KCNJ1: variants seen among roughly 807,000 people sequenced by gnomAD.
KCNJ1 encodes ATP-sensitive inward rectifier potassium channel 1.
KCNJ1 carries 24 observed loss-of-function variants against 21.9 expected under a neutral mutation model. That is an observed-to-expected ratio of 1.10 (90% CI 0.79 to 1.54). The LOEUF is 1.54. Among genes scored for constraint, KCNJ1 ranks in the 40% most tolerant of loss-of-function variants. The probability of loss-of-function intolerance (pLI) is 0.00; values close to 1 mark genes in which losing one functional copy is unlikely to be tolerated. For missense variants in KCNJ1, 457 were observed against 455.4 expected (o/e 1.00, Z -0.03); for synonymous variants, 152 against 160.9 (o/e 0.94, Z 0.42).
intron 1 of KCNJ1, among the ~76,000 whole-genome samples, chr11:128,855,389 G>A (rs1456952891): frequency 6.6e-6 from 1 of 152,116 alleles, no homozygotes; most frequent in African/African-American, 2.4e-5. Flanking sequence ...AGCCCTCTAG[G>A]AATTGTGATG....
intron 1 of KCNJ1, among the ~76,000 whole-genome samples, chr11:128,858,143 G>C (rs562446837): frequency 5.2e-4 from 78 of 150,888 alleles, no homozygotes; most frequent in African/African-American, 1.7e-3. Flanking sequence ...GGTGAGGGAA[G>C]GCGAGGGTTG....
intron 2 of KCNJ1, among the ~76,000 whole-genome samples, chr11:128,849,855 G>A (rs564174068): frequency 9.2e-4 from 140 of 152,260 alleles, no homozygotes; most frequent in Admixed American, 1.6e-3. Flanking sequence ...TGATGACAAT[G>A]GCTCCTGTGG....
intron 2 of KCNJ1, among the ~76,000 whole-genome samples, chr11:128,844,671 A>C (rs968196075): frequency 5.3e-5 from 8 of 152,240 alleles, no homozygotes; most frequent in Non-Finnish European, 8.8e-5. Context: ...CTTCTTCCAC[A>C]GACATCCACT....
chr11:128,862,539 C>T (rs565205418), intron 1 of KCNJ1, among the ~76,000 whole-genome samples: 2 of 152,162 alleles, frequency 1.3e-5, no homozygotes, highest in African/African-American at 2.4e-5. Flanking sequence ...CAGACTGGGT[C>T]GGGGAGCCTG....
At chr11:128,846,077 A>G (rs3758766) in intron 2 of KCNJ1, among the ~76,000 whole-genome samples, 24,909 of 152,126 alleles carry the variant, frequency 0.16, 2,305 homozygotes, top group East Asian at 0.36. Flanking sequence ...TCAGGAGAAG[A>G]TAGGAGATCC....
chr11:128,845,644 A>G (rs1215497130), intron 2 of KCNJ1, among the ~76,000 whole-genome samples: 1 of 152,180 alleles, frequency 6.6e-6, no homozygotes, highest in Non-Finnish European at 1.5e-5. Flanking sequence ...TGTCTTTACC[A>G]CTATCAGGCA....
chr11:128,852,250 C>T lies in KCNJ1; in HGVS notation c.-191-1360G>A, dbSNP rs112487508. On this transcript the variant is annotated intron_variant, in intron 1 of 2. Transcript: ENST00000392666. ...CTCCAGTTTCTCCTTCAAGCTCCTG[C>T]CATGCATTGAATGAAAGGAGGCAAT... 3.6e-4 allele frequency among the ~76,000 whole-genome samples: 55 copies of T among 152,280 alleles called. 2 individuals carry two copies. The South Asian group carries it at 0.011, about 29-fold the overall frequency.
chr11:128,857,910 G>A, intron 1 of KCNJ1, among the ~76,000 whole-genome samples: 1 of 152,252 alleles, frequency 6.6e-6, no homozygotes, highest in Non-Finnish European at 1.5e-5. Flanking sequence ...ACATAAAAAT[G>A]TGTTTCTGGG....
intron 2 of KCNJ1, among the ~76,000 whole-genome samples, chr11:128,845,840 A>C (rs1223361350): frequency 6.6e-6 from 1 of 152,142 alleles, no homozygotes; most frequent in Admixed American, 6.5e-5. Context: ...CTGGGTCCCC[A>C]CTGCTATGAA....
rs1448598748 is a variant in KCNJ1 at position 128,839,154 on chromosome 11, C to G, written c.1090G>C (p.Val364Leu). 6.2e-7 allele frequency: 1 copy of G among 1,614,092 alleles called. No individual in the cohort carries two copies. Among genetic ancestry groups the G allele is most frequent in the Admixed American group, 1.7e-5 (1 of 60,022 alleles). Residue 364 changes from valine to leucine, a missense_variant, in exon 3 of 3, where the codon GTC becomes CTC. Coordinates refer to ENST00000392666, the MANE Select transcript of KCNJ1 (RefSeq NM_153766.3). Reference sequence around the variant, plus strand: ...ATTTTGGTGTCATCTGTTTCATTGACTTCTGACAAGATGAAGTTGGGGTTG... The same window carrying G: ...ATTTTGGTGTCATCTGTTTCATTGAGTTCTGACAAGATGAAGTTGGGGTTG... ...YDNPNFILSE[V>L]NETDDTKM is the part of the protein sequence containing the mutation.
At chr11:128,855,106 A>G (rs745636455) in intron 1 of KCNJ1, among the ~76,000 whole-genome samples, 5 of 152,206 alleles carry the variant, frequency 3.3e-5, no homozygotes, top group African/African-American at 1.2e-4. Flanking sequence ...CAAACAAAAA[A>G]TAGTTGCTAA....
chr11:128,849,865 G>A lies in KCNJ1; in HGVS notation c.-22+856C>T, dbSNP rs866022735. On this transcript the variant is annotated intron_variant, in intron 2 of 2. Transcript: ENST00000392666. ...TGGTGTGATGACAATGGCTCCTGTG[G>A]GAAGAGGAGGCAACACCTCCAACCC... Among the ~76,000 whole-genome samples, 4 of 152,126 alleles carry A rather than the reference G, an allele frequency of 2.6e-5. No homozygotes were observed. The South Asian group carries it at 8.3e-4, about 32-fold the overall frequency.
chr11:128,857,516 G>T (rs1375564499), intron 1 of KCNJ1, among the ~76,000 whole-genome samples: 1 of 152,246 alleles, frequency 6.6e-6, no homozygotes, highest in African/African-American at 2.4e-5. Context: ...TGGGCTGGGA[G>T]TGCCACAAGT....
intron 2 of KCNJ1, among the ~76,000 whole-genome samples, chr11:128,846,808 A>G (rs1036215959): frequency 3.3e-5 from 5 of 152,078 alleles, no homozygotes; most frequent in Non-Finnish European, 4.4e-5. Context: ...ACCTCGTACT[A>G]CCGGCGAGGT....
At position 128,842,381 on chromosome 11, in the gene KCNJ1, C is replaced by T; in HGVS notation, c.-21-2117G>A. ...AGGTGATTTCCCCAGCCTCCACTTA[C>T]CAACGTGTCAAACACATTCCGACTG... On this transcript the variant is annotated intron_variant, in intron 2 of 2. Coordinates refer to ENST00000392666, the MANE Select transcript of KCNJ1 (RefSeq NM_153766.3). The T allele has an allele frequency of 1.2e-6, 2 of 1,613,792 alleles. No homozygotes were observed. The highest frequency in any genetic ancestry group is 1.7e-6 in the Non-Finnish European group (2 of 1,179,736).
chr11:128,866,086 G>A (rs1565532790), intron 1 of KCNJ1, among the ~76,000 whole-genome samples: 1 of 152,098 alleles, frequency 6.6e-6, no homozygotes, highest in Non-Finnish European at 1.5e-5. Flanking sequence ...GCTCTTAAAA[G>A]CTGAAGCTGA....
At chr11:128,861,720 C>A (rs1943711745) in intron 1 of KCNJ1, among the ~76,000 whole-genome samples, 1 of 152,158 alleles carries the variant, frequency 6.6e-6, no homozygotes, top group Admixed American at 6.5e-5. Context: ...CGGTAAGCGG[C>A]CACCGGAACC....
chr11:128,842,802 C>T (rs1487933404), intron 2 of KCNJ1, among the ~76,000 whole-genome samples: 4 of 152,138 alleles, frequency 2.6e-5, no homozygotes, highest in Non-Finnish European at 5.9e-5. Flanking sequence ...AACAACTGGC[C>T]GGAAACACTT....
intron 2 of KCNJ1, among the ~76,000 whole-genome samples, chr11:128,848,967 C>T (rs1384400864): frequency 6.6e-6 from 1 of 152,152 alleles, no homozygotes; most frequent in Admixed American, 6.5e-5. Context: ...TAGTCTGCTG[C>T]CCGTTGCTGG....
Sources: allele counts gnomAD v4.1 joint callset (sites outside exome capture counted in the v4.1 genomes callset), GRCh38; gene constraint gnomAD v4.1.1; transcripts MANE v1.5; gene names NCBI Gene and HGNC (gene_info 2026-07-23, HGNC 2026-07-21).